The following AMELY variants were observed in gnomAD, a reference collection of about 807,000 sequenced individuals.
The protein encoded by AMELY is amelogenin Y-linked.
A neutral mutation model predicts 4.2 loss-of-function variants in AMELY; 4 were observed. The ratio of observed to expected loss-of-function variants is 0.96; its 90% CI spans 0.47 to 2.19. AMELY has a LOEUF of 2.19. Among genes scored for constraint, AMELY ranks in the 30% most tolerant of loss-of-function variants. AMELY has a pLI of 0.02. For synonymous variants in AMELY, 11 were observed against 14.7 expected, an observed-to-expected ratio of 0.75 and a Z score of 0.57; for missense variants, 32 against 41.5, an observed-to-expected ratio of 0.77 and a Z score of 0.63.
chrY:6,897,593 T>G, intron 1 of AMELY, among the ~76,000 whole-genome samples: 3 of 26,695 alleles, frequency 1.1e-4, no homozygotes, highest in Non-Finnish European at 2.6e-4. Context: ...TTTTTTTTTT[T>G]GGTCGGTTTT....
chrY:6,872,664 C>G (rs2054069318), intron 2 of AMELY, 44 bp from the exon 3 acceptor site: 1 of 321,696 alleles, frequency 3.1e-6, no homozygotes, highest in Non-Finnish European at 4.6e-6. Context: ...TCTTCTCAAA[C>G]ATGTGCACCA....
intron 1 of AMELY, among the ~76,000 whole-genome samples, chrY:6,887,783 G>C (rs772887223): frequency 3.0e-5 from 1 of 33,001 alleles, no homozygotes; most frequent in South Asian, 6.9e-4. Context: ...TTCTGTTACT[G>C]TGTTAGTTTG....
chrY:6,880,066 A>G, intron 1 of AMELY, among the ~76,000 whole-genome samples: 4 of 32,892 alleles, frequency 1.2e-4, no homozygotes, highest in Non-Finnish European at 3.0e-4. Flanking sequence ...GTTTTTTCCA[A>G]TTCTATGAAG....
At chrY:6,905,444 T>TTTTCTTTCTTTCTTTCTC (rs2011659712) in intron 1 of AMELY, among the ~76,000 whole-genome samples, 2 of 32,105 alleles carry the variant, frequency 6.2e-5, no homozygotes, top group Admixed American at 2.9e-4. Context: ...TTCTCTTTCT[T>TTTTCTTTCTTTCTTTCTC]TTTCTTTCTT....
chrY:6,872,006 A>G, intron 3 of AMELY, among the ~76,000 whole-genome samples: 1 of 31,152 alleles, frequency 3.2e-5, no homozygotes, highest in Non-Finnish European at 7.7e-5. Flanking sequence ...AAAAACCTAC[A>G]AAAACCAAAA....
intron 1 of AMELY, among the ~76,000 whole-genome samples, chrY:6,902,271 AAAG>A (rs2054089851): frequency 5.9e-5 from 2 of 34,116 alleles, no homozygotes; most frequent in Non-Finnish European, 1.5e-4. Flanking sequence ...GTTTTTAACA[AAAG>A]AAGGAGGAAA....
At chrY:6,872,670 C>T in intron 2 of AMELY, 50 bp from the exon 3 acceptor site, 1 of 311,624 alleles carries the variant, frequency 3.2e-6, no homozygotes, top group Non-Finnish European at 4.8e-6. Flanking sequence ...CAAACATGTG[C>T]ACCATAAAGT....
chrY:6,895,160 A>G, intron 1 of AMELY, among the ~76,000 whole-genome samples: 1 of 33,942 alleles, frequency 2.9e-5, no homozygotes. Flanking sequence ...TGTCAAGCTT[A>G]TGTATCTTAA....
At chrY:6,869,926 G>A (rs2054066328) in intron 4 of AMELY, 80 bp downstream of exon 4, 1 of 328,913 alleles carries the variant, frequency 3.0e-6, no homozygotes, top group Non-Finnish European at 4.5e-6. Flanking sequence ...TTGGGATGAA[G>A]AATCCACCCA....
chrY:6,883,564 A>G (rs2054076671), intron 1 of AMELY, among the ~76,000 whole-genome samples: 1 of 32,807 alleles, frequency 3.0e-5, no homozygotes, highest in Non-Finnish European at 7.5e-5. Flanking sequence ...CATTCTGCAC[A>G]TGTACCCCAG....
intron 1 of AMELY, among the ~76,000 whole-genome samples, chrY:6,894,018 C>T (rs2054084960): frequency 3.0e-5 from 1 of 33,106 alleles, no homozygotes; most frequent in Admixed American, 2.8e-4. Context: ...ACTATGTTCA[C>T]CATCCAAAAA....
At chrY:6,907,541 T>G (rs1603023550) in intron 1 of AMELY, among the ~76,000 whole-genome samples, 103 of 32,163 alleles carry the variant, frequency 3.2e-3, no homozygotes, top group Non-Finnish European at 5.3e-3. Flanking sequence ...TTTTTGTTTT[T>G]TTTTTTTGCA....
intron 1 of AMELY, among the ~76,000 whole-genome samples, chrY:6,885,788 A>G: frequency 2.9e-5 from 1 of 34,497 alleles, no homozygotes; most frequent in African/African-American, 1.1e-4. Flanking sequence ...ACTAAATATC[A>G]TATGTTCTCA....
intron 1 of AMELY, among the ~76,000 whole-genome samples, chrY:6,908,351 G>A (rs2011670439): frequency 3.5e-5 from 1 of 28,941 alleles, no homozygotes; most frequent in Non-Finnish European, 8.0e-5. Context: ...AGCTACCCAG[G>A]AGGCTGAGGC....
chrY:6,869,338 C>A, intron 4 of AMELY, among the ~76,000 whole-genome samples: 1 of 33,319 alleles, frequency 3.0e-5, no homozygotes, highest in Non-Finnish European at 7.4e-5. Context: ...CATTTGTCAG[C>A]AGCTTGTGTA....
At chrY:6,892,048 A>G in intron 1 of AMELY, among the ~76,000 whole-genome samples, 1 of 34,483 alleles carries the variant, frequency 2.9e-5, no homozygotes, top group Non-Finnish European at 7.3e-5. Flanking sequence ...TACCAAAAAC[A>G]AAGAAGAAAT....
intron 6 of AMELY, among the ~76,000 whole-genome samples, chrY:6,866,811 C>CT (rs2054062398): frequency 3.6e-5 from 1 of 28,030 alleles, no homozygotes; most frequent in Non-Finnish European, 8.4e-5. Context: ...GCCCAACTAA[C>CT]TTTTTTTTTT....
intron 1 of AMELY, among the ~76,000 whole-genome samples, chrY:6,885,429 T>A (rs2054079427): frequency 2.9e-5 from 1 of 34,180 alleles, no homozygotes; most frequent in Non-Finnish European, 7.3e-5. Flanking sequence ...GAGCCAAAAT[T>A]GTGCCACTGC....
intron 1 of AMELY, among the ~76,000 whole-genome samples, chrY:6,890,519 G>C: frequency 9.0e-5 from 3 of 33,220 alleles, no homozygotes; most frequent in Admixed American, 2.8e-4. Flanking sequence ...GTATCACTTA[G>C]TTATCTTCCT....
Sources: allele counts gnomAD v4.1 joint callset (sites outside exome capture counted in the v4.1 genomes callset), GRCh38; gene constraint gnomAD v4.1.1; transcripts MANE v1.5; gene names NCBI Gene and HGNC (gene_info 2026-07-23, HGNC 2026-07-21).